Variants in GON4L observed in about 807,000 individuals in gnomAD.
GON4L encodes GON-4-like protein.
A neutral mutation model predicts 211.8 loss-of-function variants in GON4L; 87 were observed. That is an observed-to-expected ratio of 0.41 (90% CI 0.35 to 0.49). The LOEUF is 0.49. GON4L is among the 20% of genes least tolerant of loss of function. The pLI, the probability that GON4L is intolerant of heterozygous loss-of-function variation, is 0.15. For missense variants in GON4L, 2,155 were observed against 2,659.5 expected (o/e 0.81, Z 4.17); for synonymous variants, 875 against 962.6 (o/e 0.91, Z 1.68).
At chr1:155,854,361 T>C (rs1234915453) in intron 1 of GON4L, among the ~76,000 whole-genome samples, 1 of 152,194 alleles carries the variant, frequency 6.6e-6, no homozygotes, top group Non-Finnish European at 1.5e-5. Flanking sequence ...TTCACCGTGT[T>C]AGCCAGGATG....
chr1:155,753,929 G>C (rs1353480926), intron 28 of GON4L: 1 of 237,070 alleles, frequency 4.2e-6, no homozygotes, highest in Non-Finnish European at 8.4e-6. Context: ...GAGCTCAGTG[G>C]TATCATCATG....
chr1:155,749,635 T>C (rs953496672), downstream of GON4L: 32 of 1,409,466 alleles, frequency 2.3e-5, no homozygotes, highest in African/African-American at 8.7e-4. Context: ...GGAGCAGGTA[T>C]GTAGGAGGTG....
At chr1:155,859,326 G>A (rs755962803), upstream of GON4L, 16 of 177,916 alleles carry the variant, frequency 9.0e-5, no homozygotes, top group Non-Finnish European at 1.9e-4. Flanking sequence ...TCTCGTTTTG[G>A]AACCACAGCG....
chr1:155,779,904 T>C (rs929372750), intron 14 of GON4L, among the ~76,000 whole-genome samples: 24 of 152,152 alleles, frequency 1.6e-4, no homozygotes, highest in Admixed American at 1.6e-3. Flanking sequence ...TTCAAGTGAT[T>C]CTCCTGCCTC....
intron 3 of GON4L, among the ~76,000 whole-genome samples, chr1:155,824,809 G>A (rs1669045223): frequency 6.7e-6 from 1 of 149,356 alleles, no homozygotes; most frequent in Non-Finnish European, 1.5e-5. Flanking sequence ...GGGTAACAAT[G>A]GGCACAAGGA....
Position 155,776,432 on chromosome 1 carries a change from T to C in GON4L, c.2141A>G (p.Asn714Ser), listed in dbSNP as rs368414797. Reference protein sequence around the residue: ...QIHLLATCNPNLNPEATTTRI... With the variant: ...QIHLLATCNPSLNPEATTTRI... ...GGTGGTAGTGGCCTCCGGATTGAGG[T>C]TGGGGTTGCAGGTGGCAAGAAGGTG... Residue 714 changes from asparagine to serine, a missense_variant, in exon 16 of 32, where the codon AAC becomes AGC. Transcript: ENST00000368331. The C allele has an allele frequency of 1.5e-5, 24 of 1,613,152 alleles. No homozygotes were observed. The African/African-American group carries it at 2.4e-4, about 16-fold the overall frequency.
chr1:155,847,547 C>A (rs920523389), intron 2 of GON4L, among the ~76,000 whole-genome samples: 3 of 152,032 alleles, frequency 2.0e-5, no homozygotes, highest in Admixed American at 1.3e-4. Flanking sequence ...ACTAAAAATA[C>A]AAAAATTAGC....
intron 6 of GON4L, among the ~76,000 whole-genome samples, chr1:155,817,113 C>G (rs1299099986): frequency 6.6e-6 from 1 of 152,070 alleles, no homozygotes. Context: ...CCTCAGCCTA[C>G]TAATTAGCTA....
intron 12 of GON4L, among the ~76,000 whole-genome samples, chr1:155,791,847 G>A (rs141832995): frequency 0.011 from 1,718 of 149,582 alleles, 32 homozygotes; most frequent in African/African-American, 0.041. Context: ...CAGCCTGGGC[G>A]ACAACAGCGA....
chr1:155,788,502 AAG>A (rs902440095), intron 12 of GON4L, among the ~76,000 whole-genome samples: 24 of 152,298 alleles, frequency 1.6e-4, no homozygotes, highest in Admixed American at 9.8e-4. Flanking sequence ...GAACAAATGA[AAG>A]AGAGAGAGAA....
chr1:155,748,665 T>A, downstream of GON4L: 1 of 1,613,528 alleles, frequency 6.2e-7, no homozygotes, highest in Non-Finnish European at 8.5e-7. Context: ...CCTTCCTGAT[T>A]CCCTGATGCA....
At chr1:155,764,546 T>A (rs186733725) in intron 21 of GON4L, 58 of 331,684 alleles carry the variant, frequency 1.7e-4, no homozygotes, top group African/African-American at 8.9e-4. Flanking sequence ...CTCAAGCAAT[T>A]CTCCTGCCTC....
rs1662234731 is a variant in GON4L, at chr1:155,764,642, C to T, written c.4473+358G>A. On this transcript the variant is annotated intron_variant, in intron 21 of 31. Transcript: ENST00000368331. ...TTTTAATATAGATGGGGTTTTACCA[C>T]GTCGGCCAGGCCAGTCTGAAACTCC... 4 of 531,600 alleles carry T rather than the reference C, an allele frequency of 7.5e-6. No individual in the cohort carries two copies. In the Admixed American group the frequency reaches 9.5e-5, roughly 13 times the overall value. The allele number at this position is 531,600 out of a possible 1,614,324, so 32.9% of individuals were successfully genotyped here. A position where few individuals can be genotyped will look rare whatever the true frequency, so the allele number is the denominator to read the frequency against.
intron 2 of GON4L, among the ~76,000 whole-genome samples, chr1:155,835,795 T>C (rs1670237974): frequency 6.6e-6 from 1 of 152,226 alleles, no homozygotes; most frequent in Non-Finnish European, 1.5e-5. Context: ...TTCAATTCAC[T>C]GTTGGCCCAT....
In GON4L at chr1:155,785,292, T is replaced by C. The variant is rs779228288; in HGVS notation, c.1788+42A>G. The stretch of plus-strand genomic sequence containing the variant: ...CAAATGACACATCTTGCTGGAGAAC[T>C]GACTTAAAATCCCGTGTTCTCACTC... On this transcript the variant is annotated intron_variant, in intron 13 of 31. Coordinates refer to ENST00000368331, the MANE Select transcript of GON4L (RefSeq NM_001282860.2). 3.1e-6 allele frequency: 4 copies of C among 1,296,660 alleles called. No individual in the cohort carries two copies. In the South Asian group the frequency reaches 3.5e-5, roughly 11 times the overall value. 80.3% of individuals were successfully genotyped at this position (1,296,660 alleles called of 1,614,324 possible).
intron 3 of GON4L, among the ~76,000 whole-genome samples, chr1:155,825,038 C>T (rs1348193525): frequency 1.3e-5 from 2 of 151,714 alleles, no homozygotes; most frequent in Non-Finnish European, 2.9e-5. Flanking sequence ...GTGGCGTGCA[C>T]CTAGAGTCCG....
intron 10 of GON4L, among the ~76,000 whole-genome samples, chr1:155,808,894 A>G (rs949140567): frequency 2.6e-5 from 4 of 151,938 alleles, no homozygotes; most frequent in African/African-American, 4.8e-5. Flanking sequence ...TTATGGACAT[A>G]AGCCACCAAA....
At chr1:155,746,875 A>G, downstream of GON4L, 1 of 1,596,626 alleles carries the variant, frequency 6.3e-7, no homozygotes, top group South Asian at 1.1e-5. Context: ...TGCAGAGGTG[A>G]GGGCCTCTGT....
intron 28 of GON4L, chr1:155,754,144 G>T: frequency 1.7e-6 from 1 of 572,922 alleles, no homozygotes; most frequent in Non-Finnish European, 3.1e-6. Flanking sequence ...TATTTTAACT[G>T]GTATTTTGTT....
Sources: allele counts gnomAD v4.1 joint callset (sites outside exome capture counted in the v4.1 genomes callset), GRCh38; gene constraint gnomAD v4.1.1; transcripts MANE v1.5; gene names NCBI Gene and HGNC (gene_info 2026-07-23, HGNC 2026-07-21).